Variants in CSMD2 observed in about 807,000 individuals in gnomAD.
The protein encoded by CSMD2 is CUB and Sushi multiple domains 2.
Under a neutral mutation model 398.5 loss-of-function variants are expected in CSMD2, and 130 were observed. The observed-to-expected ratio is 0.33, with a 90% confidence interval of 0.28 to 0.38. The LOEUF (loss-of-function observed/expected upper bound fraction) is 0.38. Ranked by LOEUF, CSMD2 falls within the 10% of genes least tolerant of loss-of-function variation. CSMD2 has a pLI of 1.00. For missense variants in CSMD2, 3,829 were observed against 4,764.9 expected (o/e 0.80, Z 5.78); for synonymous variants, 1,828 against 1,908.5 (o/e 0.96, Z 1.10).
At chr1:33,629,628 G>A (rs972067057) in intron 32 of CSMD2, among the ~76,000 whole-genome samples, 2 of 152,002 alleles carry the variant, frequency 1.3e-5, no homozygotes, top group Non-Finnish European at 2.9e-5. Context: ...CTCCCCCAAC[G>A]CAACTCAGGG....
At chr1:34,067,140 A>G (rs1424759297) in intron 2 of CSMD2, among the ~76,000 whole-genome samples, 3 of 152,174 alleles carry the variant, frequency 2.0e-5, no homozygotes, top group Non-Finnish European at 2.9e-5. Flanking sequence ...TCCCTCATAC[A>G]TGAGTTATCC....
chr1:33,731,735 A>G (rs1032446148), intron 15 of CSMD2, among the ~76,000 whole-genome samples: 6 of 152,250 alleles, frequency 3.9e-5, no homozygotes, highest in African/African-American at 1.4e-4. Flanking sequence ...TACTGACTTA[A>G]AAATACTATC....
intron 13 of CSMD2, among the ~76,000 whole-genome samples, chr1:33,764,187 C>A (rs1650190615): frequency 6.6e-6 from 1 of 152,162 alleles, no homozygotes; most frequent in Non-Finnish European, 1.5e-5. Flanking sequence ...CCTCCTTGTA[C>A]ATTCTGAGAG....
chr1:33,522,184 T>A (rs373636807), intron 67 of CSMD2, among the ~76,000 whole-genome samples: 4 of 152,308 alleles, frequency 2.6e-5, no homozygotes, highest in East Asian at 1.9e-4. Flanking sequence ...CCTGTGCTCC[T>A]GGGTACTCCC....
intron 5 of CSMD2, among the ~76,000 whole-genome samples, chr1:33,881,853 T>G (rs1264222546): frequency 1.3e-5 from 2 of 152,198 alleles, no homozygotes; most frequent in Non-Finnish European, 2.9e-5. Flanking sequence ...TAACTTAATA[T>G]CCTATATTAA....
At chr1:33,815,406 G>A (rs558378749) in intron 9 of CSMD2, 1 of 152,228 alleles carries the variant, frequency 6.6e-6, no homozygotes, top group Admixed American at 6.5e-5. Flanking sequence ...TTTAAATCTA[G>A]GAAAGGGTAC....
At chr1:33,977,358 A>C (rs1034260380) in intron 3 of CSMD2, among the ~76,000 whole-genome samples, 15 of 151,536 alleles carry the variant, frequency 9.9e-5, no homozygotes, top group African/African-American at 3.6e-4. Flanking sequence ...TACCCAGCAA[A>C]CTCTCCTCAG....
At chr1:33,617,070 C>T in intron 38 of CSMD2, 95 bp from the exon 39 acceptor site, 2 of 888,858 alleles carry the variant, frequency 2.3e-6, no homozygotes, top group South Asian at 1.4e-5. Context: ...TCAGGGGCCT[C>T]ATGTTAAGGA....
chr1:33,558,938 C>T (rs903987553), intron 54 of CSMD2, among the ~76,000 whole-genome samples: 1 of 152,170 alleles, frequency 6.6e-6, no homozygotes, highest in African/African-American at 2.4e-5. Flanking sequence ...TCTCGTGGAG[C>T]AGCTGCAGAA....
intron 56 of CSMD2, among the ~76,000 whole-genome samples, chr1:33,547,699 T>C (rs1657043206): frequency 6.6e-6 from 1 of 152,254 alleles, no homozygotes. Flanking sequence ...AGAGAGCTTA[T>C]CGCATTTGGC....
chr1:33,651,868 T>C (rs1571093603), intron 28 of CSMD2, among the ~76,000 whole-genome samples: 1 of 152,022 alleles, frequency 6.6e-6, no homozygotes, highest in Admixed American at 6.6e-5. Flanking sequence ...GCAGAGGCAG[T>C]TCTTTTGAAG....
chr1:33,655,228 C>T (rs1435062037), intron 27 of CSMD2, among the ~76,000 whole-genome samples: 2 of 152,228 alleles, frequency 1.3e-5, no homozygotes, highest in Non-Finnish European at 2.9e-5. Context: ...GGAAGTCATA[C>T]AATCCTGAGC....
chr1:33,615,194 G>A (rs1641305495), intron 39 of CSMD2, among the ~76,000 whole-genome samples: 1 of 152,212 alleles, frequency 6.6e-6, no homozygotes, highest in Admixed American at 6.5e-5. Context: ...CCAACCACCA[G>A]GCTGTCTGAG....
intron 1 of CSMD2, among the ~76,000 whole-genome samples, chr1:34,158,383 G>A (rs1188119590): frequency 1.3e-5 from 2 of 152,232 alleles, no homozygotes; most frequent in Admixed American, 6.5e-5. Flanking sequence ...ATGGAGAGGA[G>A]GGGTGCAAGG....
At position 33,525,797 on chromosome 1, in the gene CSMD2, G is replaced by A. The variant is rs1375553822; in HGVS notation, c.10235-754C>T. ...CCTCCCAGGTTCAAGCAATTCTCCT[G>A]CCTTAGCCTCCCAAGTAGCTGGGAT... On this transcript the variant is annotated intron_variant, in intron 65 of 70. Coordinates refer to ENST00000373381, the MANE Select transcript of CSMD2 (RefSeq NM_001281956.2). Among the ~76,000 whole-genome samples the A allele has an allele frequency of 3.9e-5, 6 of 152,130 alleles. 1 individual carries two copies. The highest frequency in any genetic ancestry group is 5.9e-5 in the Non-Finnish European group (4 of 68,012).
rs1397093725 is a variant in CSMD2 at position 34,164,121 on chromosome 1, G to C, written c.187+790C>G. Among the ~76,000 whole-genome samples, 1 of 152,160 alleles carries C rather than the reference G, an allele frequency of 6.6e-6. No individual in the cohort carries two copies. Among genetic ancestry groups the C allele is most frequent in the Non-Finnish European group, 1.5e-5 (1 of 68,022 alleles). On this transcript the variant is annotated intron_variant, in intron 1 of 70. Transcript: ENST00000373381. This position sits in a 1 kb window ranked among gnomAD's most constrained non-coding sequence, Gnocchi z 6.2. The stretch of plus-strand genomic sequence containing the variant: ...TCGGCTGCAGCAGGGCGCGGGAAAG[G>C]GCACTTTGGCGCGGAGTGAGCACCG...
At chr1:33,622,990 G>A (rs1027911150) in intron 36 of CSMD2, among the ~76,000 whole-genome samples, 1 of 152,234 alleles carries the variant, frequency 6.6e-6, no homozygotes, top group Non-Finnish European at 1.5e-5. Flanking sequence ...TACTGTGACT[G>A]GGGGAACTTT....
intron 25 of CSMD2, among the ~76,000 whole-genome samples, chr1:33,691,306 G>A (rs1399476514): frequency 1.3e-5 from 2 of 152,176 alleles, no homozygotes; most frequent in Non-Finnish European, 2.9e-5. Flanking sequence ...TCTGATCAGA[G>A]GGTGAATTGA....
At chr1:33,789,281 G>A (rs1350359923) in intron 11 of CSMD2, among the ~76,000 whole-genome samples, 2 of 152,018 alleles carry the variant, frequency 1.3e-5, no homozygotes, top group Admixed American at 6.6e-5. Flanking sequence ...GAGGGTTTAA[G>A]CATGGGTGTG....
Sources: gnomAD v4.1 joint callset for allele counts (sites outside exome capture counted in the v4.1 genomes callset) on GRCh38, gnomAD v4.1.1 for gene constraint, Gnocchi (gnomAD v3.1) non-coding constraint, MANE v1.5 for transcripts, NCBI Gene and HGNC (gene_info 2026-07-23, HGNC 2026-07-21) for gene names.